The following UBA6 variants were observed in gnomAD, a reference collection of about 807,000 sequenced individuals.
UBA6 encodes the protein ubiquitin like modifier activating enzyme 6.
A neutral mutation model predicts 148.3 loss-of-function variants in UBA6; 87 were observed. That is an observed-to-expected ratio of 0.59 (90% CI 0.49 to 0.70). The LOEUF (loss-of-function observed/expected upper bound fraction) is 0.70, where lower values mean the gene tolerates loss of function less well. UBA6 is among the 30% of genes least tolerant of loss of function. UBA6 has a pLI of 0.00. For synonymous variants in UBA6, 376 were observed against 401.0 expected (o/e 0.94, Z 0.75); for missense variants, 1,186 against 1,241.2 (o/e 0.96, Z 0.67).
At chr4:67,640,966 A>G (rs567503992) in intron 18 of UBA6, among the ~76,000 whole-genome samples, 185 bp downstream of exon 18, 5 of 152,340 alleles carry the variant, frequency 3.3e-5, no homozygotes, top group African/African-American at 1.2e-4. Context: ...TTCCAAAATC[A>G]ATGCAAAAAT....
chr4:67,694,283 CTATA>C (rs1730776758), intron 2 of UBA6, among the ~76,000 whole-genome samples: 1 of 126,620 alleles, frequency 7.9e-6, no homozygotes, highest in Non-Finnish European at 1.7e-5. Context: ...GATTCAGTCA[CTATA>C]AAAAAAAAAA....
intron 10 of UBA6, 150 bp from the exon 11 acceptor site, chr4:67,664,097 T>A (rs940973783): frequency 3.9e-6 from 2 of 509,112 alleles, no homozygotes; most frequent in African/African-American, 3.9e-5. Context: ...AACTGAAATA[T>A]AAACTAGCTA....
intron 4 of UBA6, among the ~76,000 whole-genome samples, chr4:67,680,815 C>T (rs10031451): frequency 0.15 from 22,938 of 152,164 alleles, 1,804 homozygotes; most frequent in South Asian, 0.22. Flanking sequence ...AAGCAAACTG[C>T]CACACTGTGA....
chr4:67,678,739 C>A (rs1393310947), intron 4 of UBA6, among the ~76,000 whole-genome samples: 4 of 152,142 alleles, frequency 2.6e-5, no homozygotes, highest in Non-Finnish European at 5.9e-5. Flanking sequence ...TGGCATAAAT[C>A]CACAGTTTGA....
intron 13 of UBA6, among the ~76,000 whole-genome samples, chr4:67,660,746 C>A (rs994418881): frequency 6.6e-6 from 1 of 152,158 alleles, no homozygotes; most frequent in Non-Finnish European, 1.5e-5. Flanking sequence ...TCCTCCAGAT[C>A]CCGGAATGGT....
chr4:67,671,901 A>T (rs1235236377), intron 7 of UBA6, among the ~76,000 whole-genome samples: 1 of 152,056 alleles, frequency 6.6e-6, no homozygotes, highest in Non-Finnish European at 1.5e-5. Flanking sequence ...GAGGTTTAAA[A>T]ATCTATGAGT....
chr4:67,670,339 C>A (rs1414847834), intron 8 of UBA6, 131 bp downstream of exon 8: 5 of 693,230 alleles, frequency 7.2e-6, no homozygotes, highest in Non-Finnish European at 1.2e-5. Flanking sequence ...CTACATATTC[C>A]CTCATTATCT....
chr4:67,644,789 G>GA lies in UBA6; in HGVS notation c.1396-12dup, dbSNP rs754254970. On this transcript the variant is annotated splice_polypyrimidine_tract_variant and intron_variant, in intron 16 of 32. Coordinates refer to ENST00000322244, the MANE Select transcript of UBA6 (RefSeq NM_018227.6). ...GGCTCCACACCCTACCTATGGAGGA[G>GA]AAAAATGGTATATATCAGATTAAAA... 5.1e-5 allele frequency: 77 copies of GA among 1,506,678 alleles called. No homozygotes were observed. The African/African-American group carries it at 8.5e-4, about 17-fold the overall frequency. The allele number at this position is 1,506,678 out of a possible 1,614,324, so 93.3% of individuals were successfully genotyped here.
chr4:67,645,231 A>G (rs1729395228), intron 16 of UBA6, among the ~76,000 whole-genome samples: 1 of 152,222 alleles, frequency 6.6e-6, no homozygotes, highest in African/African-American at 2.4e-5. Flanking sequence ...TTTAATAATT[A>G]AAACAATAAA....
rs1729010088 is a variant in UBA6 at position 67,631,978 on chromosome 4, T to A, written c.2143-70A>T. 11 of 1,405,316 alleles carry A rather than the reference T, an allele frequency of 7.8e-6. 1 individual carries two copies. In the South Asian group the frequency reaches 1.3e-4, roughly 17 times the overall value. The allele number at this position is 1,405,316 out of a possible 1,614,324, so 87.1% of individuals were successfully genotyped here. A position where few individuals can be genotyped will look rare whatever the true frequency, so the allele number is the denominator to read the frequency against. On this transcript the variant is annotated intron_variant, in intron 23 of 32. Coordinates refer to ENST00000322244, the MANE Select transcript of UBA6 (RefSeq NM_018227.6). Reference sequence around the variant, plus strand: ...TCTGAGGAAAAATTAAAAAATAAAATTAAAAAATGTGTGTAGTAAATATAT... The same window carrying A: ...TCTGAGGAAAAATTAAAAAATAAAAATAAAAAATGTGTGTAGTAAATATAT...
intron 6 of UBA6, among the ~76,000 whole-genome samples, chr4:67,677,009 T>A (rs1730297095): frequency 6.6e-6 from 1 of 152,204 alleles, no homozygotes; most frequent in South Asian, 2.1e-4. Context: ...ATTGAACTAC[T>A]GATCCATGTA....
intron 13 of UBA6, among the ~76,000 whole-genome samples, chr4:67,657,988 C>A (rs1729744708): frequency 6.6e-6 from 1 of 152,144 alleles, no homozygotes; most frequent in South Asian, 2.1e-4. Flanking sequence ...ATCAAAACCA[C>A]AATGAGATAC....
In UBA6 at chr4:67,631,761, C is replaced by A; in HGVS notation, c.2205G>T (p.Trp735Cys). 6.2e-7 allele frequency: 1 copy of A among 1,611,404 alleles called. No individual in the cohort carries two copies. Among genetic ancestry groups the A allele is most frequent in the South Asian group, 1.1e-5 (1 of 90,746 alleles). The change falls in exon 25 of 33, where the codon TGG becomes TGT. Residue 735 changes from tryptophan (W) to cysteine (C), a missense_variant. Trp to Cys is a radical substitution (Grantham distance 215). Transcript: ENST00000322244. ...DIRLKDGSLF[W>C]QSPKRPPSPI... is the part of the protein sequence containing the mutation. ...GAGAGGGTGGCCTCTTTGGTGACTG[C>A]CAAAATAAACCTGGCAAAAAGATAC...
At chr4:67,627,497 G>A (rs1728894887) in intron 27 of UBA6, among the ~76,000 whole-genome samples, 1 of 151,912 alleles carries the variant, frequency 6.6e-6, no homozygotes, top group Non-Finnish European at 1.5e-5. Flanking sequence ...ACCGAAGCAA[G>A]AGCAATAACG....
chr4:67,621,199 G>A, intron 32 of UBA6, among the ~76,000 whole-genome samples: 1 of 152,124 alleles, frequency 6.6e-6, no homozygotes, highest in East Asian at 1.9e-4. Context: ...GGATCCTAAT[G>A]AAAAATAATA....
chr4:67,643,661 C>T (rs983230476), intron 17 of UBA6, among the ~76,000 whole-genome samples: 1 of 151,848 alleles, frequency 6.6e-6, no homozygotes, highest in Non-Finnish European at 1.5e-5. Flanking sequence ...TTCCTGGGAC[C>T]TGGGAATTTC....
intron 27 of UBA6, among the ~76,000 whole-genome samples, chr4:67,627,758 T>C (rs1378460113): frequency 6.6e-6 from 1 of 151,746 alleles, no homozygotes; most frequent in Non-Finnish European, 1.5e-5. Flanking sequence ...TTTCTTGAAT[T>C]TTGCAGGGAG....
intron 30 of UBA6, among the ~76,000 whole-genome samples, chr4:67,623,843 G>A (rs1160141707): frequency 1.3e-5 from 2 of 151,976 alleles, no homozygotes; most frequent in Admixed American, 6.6e-5. Flanking sequence ...TAAATCTCAT[G>A]ACCTACAGTC....
intron 17 of UBA6, among the ~76,000 whole-genome samples, chr4:67,641,655 A>G (rs760001485): frequency 3.4e-5 from 5 of 147,520 alleles, no homozygotes; most frequent in Non-Finnish European, 6.0e-5. Context: ...GAGGCATACA[A>G]ACTTTGGTCT....
Sources: gnomAD v4.1 joint callset for allele counts (sites outside exome capture counted in the v4.1 genomes callset) on GRCh38, gnomAD v4.1.1 for gene constraint, MANE v1.5 for transcripts, NCBI Gene and HGNC (gene_info 2026-07-23, HGNC 2026-07-21) for gene names.